RP1: variants seen among roughly 807,000 people sequenced by gnomAD.
RP1 encodes oxygen-regulated protein 1.
RP1 carries 16 observed loss-of-function variants against 14.8 expected under a neutral mutation model. The ratio of observed to expected loss-of-function variants is 1.08; its 90% CI spans 0.73 to 1.65. RP1 has a LOEUF of 1.65. Ranked by LOEUF, RP1 falls within the 40% of genes most tolerant of loss-of-function variation. The pLI, the probability that RP1 is intolerant of heterozygous loss-of-function variation, is 0.00. For missense variants in RP1, 2,631 were observed against 2,535.0 expected (o/e 1.04, Z -0.81); for synonymous variants, 876 against 883.6 (o/e 0.99, Z 0.15).
chr8:54,734,973 A>G (rs1021128457), intron 18 of RP1, among the ~76,000 whole-genome samples: 4 of 152,152 alleles, frequency 2.6e-5, no homozygotes, highest in African/African-American at 9.7e-5. Context: ...CTTTAAAGAC[A>G]GTTTATTTTA....
At chr8:54,731,038 G>C (rs1339544236) in intron 17 of RP1, among the ~76,000 whole-genome samples, 4 of 151,948 alleles carry the variant, frequency 2.6e-5, no homozygotes. Flanking sequence ...TACTATCTTG[G>C]AATAGCATAT....
At chr8:54,701,001 C>A (rs74509221) in intron 13 of RP1, among the ~76,000 whole-genome samples, 4,417 of 152,236 alleles carry the variant, frequency 0.029, 124 homozygotes, top group African/African-American at 0.065. Context: ...TACTGCCTCC[C>A]TGGGGAACTA....
At chr8:54,580,540 C>T (rs1008059336) in intron 1 of RP1, among the ~76,000 whole-genome samples, 1 of 151,098 alleles carries the variant, frequency 6.6e-6, no homozygotes, top group Non-Finnish European at 1.5e-5. Context: ...CTCTTGACCT[C>T]GTGATCCACC....
In RP1 at chr8:54,630,432, A is replaced by G; in HGVS notation, c.*79A>G. 4 of 1,573,892 alleles carry G rather than the reference A, an allele frequency of 2.5e-6. No homozygotes were observed. ...AGCACATGTGACGAATACGGACTAGATAACCTCTAAGAATTTTCCACTTCT... is the reference window on the plus strand; with the variant it reads ...AGCACATGTGACGAATACGGACTAGGTAACCTCTAAGAATTTTCCACTTCT... On this transcript the variant is annotated 3_prime_UTR_variant, in exon 4 of 4. Transcript: ENST00000220676.
rs1186007238 is a variant in RP1, at chr8:54,670,592, TAC to T, written c.1324-3256_1324-3255del. Among the ~76,000 whole-genome samples the T allele has an allele frequency of 1.5e-5, 2 of 130,794 alleles. 1 individual carries two copies. Among genetic ancestry groups the T allele is most frequent in the African/African-American group, 5.3e-5 (2 of 37,540 alleles). The allele number at this position is 130,794 out of a possible 152,430, so 85.8% of individuals were successfully genotyped here. A position where few individuals can be genotyped will look rare whatever the true frequency, so the allele number is the denominator to read the frequency against. On this transcript the variant is annotated intron_variant, in intron 7 of 22. Coordinates refer to the RP1 transcript ENST00000636932. ...ATATATGTATGTATATGTATATATA[TAC>T]ATATATATGTATGTATATGTATATA...
In RP1 at chr8:54,596,766, C is replaced by T. The variant is rs113965076; in HGVS notation, c.-12-24189C>T. Among the ~76,000 whole-genome samples the T allele has an allele frequency of 6.2e-3, 948 of 152,300 alleles. 6 individuals are homozygous for T. Among genetic ancestry groups the T allele is most frequent in the African/African-American group, 0.021 (881 of 41,568 alleles). On this transcript the variant is annotated intron_variant, in intron 1 of 22. Transcript: ENST00000636932. ...TGCTCTGTGTCAGATTATTTAATTA[C>T]GATACATTATTCATTTAAAGGATTA... is the stretch of plus-strand genomic sequence containing the variant.
In RP1 at chr8:54,620,938, T is replaced by C. The variant is rs1054293499; in HGVS notation, c.-12-17T>C. ...TATGGTGCTGTGATTCTGGAGATAA[T>C]TTTCTTTCTTCTCTAGGTCTCAGCC... On this transcript the variant is annotated splice_polypyrimidine_tract_variant and intron_variant, in intron 1 of 3. Coordinates refer to ENST00000220676, the MANE Select transcript of RP1 (RefSeq NM_006269.2). 5.6e-6 allele frequency: 9 copies of C among 1,612,726 alleles called. No individual in the cohort carries two copies. Among genetic ancestry groups the C allele is most frequent in the Non-Finnish European group, 7.6e-6 (9 of 1,178,734 alleles).
intron 26 of RP1, chr8:54,852,832 C>T (rs1453838317): frequency 2.4e-6 from 2 of 827,974 alleles, no homozygotes; most frequent in East Asian, 3.4e-5. Flanking sequence ...TCAGTTGATT[C>T]CTGTGAGGAA....
intron 22 of RP1, among the ~76,000 whole-genome samples, chr8:54,760,946 G>A (rs1392854728): frequency 6.6e-6 from 1 of 152,140 alleles, no homozygotes; most frequent in East Asian, 1.9e-4. Flanking sequence ...GTAACACATA[G>A]CACTGAAGAG....
chr8:54,827,087 A>G (rs2129399465), intron 24 of RP1, among the ~76,000 whole-genome samples: 1 of 152,356 alleles, frequency 6.6e-6, no homozygotes, highest in East Asian at 1.9e-4. Context: ...TGGAGCTTGC[A>G]GGACTGGAAG....
chr8:54,595,882 A>G (rs1180961138), intron 1 of RP1, among the ~76,000 whole-genome samples: 4 of 152,228 alleles, frequency 2.6e-5, no homozygotes, highest in Admixed American at 6.5e-5. Flanking sequence ...TTGCTACAGA[A>G]GAGGTGATTT....
intron 1 of RP1, among the ~76,000 whole-genome samples, chr8:54,604,011 T>C (rs893864965): frequency 2.0e-5 from 3 of 152,224 alleles, no homozygotes; most frequent in Admixed American, 2.0e-4. Context: ...CCTCTTTTCC[T>C]ACTTGAACAC....
intron 7 of RP1, among the ~76,000 whole-genome samples, chr8:54,664,327 G>C (rs539078017): frequency 1.4e-4 from 21 of 152,170 alleles, no homozygotes; most frequent in African/African-American, 4.6e-4. Flanking sequence ...TCCACCTCTT[G>C]GCTATTGTGA....
chr8:54,630,380 G>T lies in RP1; in HGVS notation c.*27G>T. The T allele has an allele frequency of 6.2e-7, 1 of 1,611,960 alleles. No homozygotes were observed. Among genetic ancestry groups the T allele is most frequent in the Non-Finnish European group, 8.5e-7 (1 of 1,178,914 alleles). ...TTCAATATCAGCACACTCATTCTTT[G>T]TCAATTCATTTTTTCCCATGAGATG... On this transcript the variant is annotated 3_prime_UTR_variant, in exon 4 of 4. Transcript: ENST00000220676.
chr8:54,627,287 G>A lies in RP1; in HGVS notation c.3405G>A (p.Val1135=). ...ATCTCCTTCTAGCTTGGCTCTTGGTGCTAAACCTAAAGGGAAGTATGAATA... is the reference window on the plus strand; with the variant it reads ...ATCTCCTTCTAGCTTGGCTCTTGGTACTAAACCTAAAGGGAAGTATGAATA... ...STNLLLAWLL[V]LNLKGSMNSF... is the part of the protein sequence containing the mutation. Residue 1135 remains valine, a synonymous_variant, in exon 4 of 4, where the codon GTG becomes GTA. Coordinates refer to ENST00000220676, the MANE Select transcript of RP1 (RefSeq NM_006269.2). 6.2e-7 allele frequency: 1 copy of A among 1,614,068 alleles called. No homozygotes were observed. Among genetic ancestry groups the A allele is most frequent in the Non-Finnish European group, 8.5e-7 (1 of 1,179,964 alleles).
At chr8:54,614,689 C>T (rs555780489), upstream of RP1, among the ~76,000 whole-genome samples, 29 of 152,232 alleles carry the variant, frequency 1.9e-4, no homozygotes, top group Admixed American at 1.6e-3. Flanking sequence ...AATGGAGAGC[C>T]CATTTTGTGC....
At chr8:54,801,746 G>A (rs1418849291) in intron 24 of RP1, among the ~76,000 whole-genome samples, 1 of 152,270 alleles carries the variant, frequency 6.6e-6, no homozygotes, top group East Asian at 1.9e-4. Flanking sequence ...GAAATTTCTA[G>A]GTGCATTCTT....
At chr8:54,563,353 G>A (rs1804328157) in intron 1 of RP1, among the ~76,000 whole-genome samples, 2 of 152,244 alleles carry the variant, frequency 1.3e-5, no homozygotes, top group South Asian at 4.1e-4. Flanking sequence ...GACTGGCAGT[G>A]AGTGGAGGGC....
intron 25 of RP1, among the ~76,000 whole-genome samples, chr8:54,841,917 GA>G (rs1202667823): frequency 6.6e-6 from 1 of 152,238 alleles, no homozygotes; most frequent in Admixed American, 6.5e-5. Context: ...CAAGTGGTCA[GA>G]AGGGCTTTAC....
Sources: allele counts gnomAD v4.1 joint callset (sites outside exome capture counted in the v4.1 genomes callset), GRCh38; gene constraint gnomAD v4.1.1; transcripts MANE v1.5; gene names NCBI Gene and HGNC (gene_info 2026-07-23, HGNC 2026-07-21).